Variants in MGAT5B observed in about 807,000 individuals in gnomAD.
MGAT5B encodes the protein alpha-1,6-mannosylglycoprotein 6-beta-N-acetylglucosaminyltransferase B.
In MGAT5B, 54 loss-of-function variants were observed where a neutral mutation model predicts 95.1. The observed-to-expected ratio is 0.57, with a 90% confidence interval of 0.46 to 0.71. The LOEUF (loss-of-function observed/expected upper bound fraction) is 0.71, where lower values mean the gene tolerates loss of function less well. Ranked by LOEUF, MGAT5B falls within the 30% of genes least tolerant of loss-of-function variation. The pLI, the probability that MGAT5B is intolerant of heterozygous loss-of-function variation, is 0.00. For missense variants in MGAT5B, 935 were observed against 1,088.6 expected, an observed-to-expected ratio of 0.86 and a Z score of 1.99; for synonymous variants, 464 against 451.0, an observed-to-expected ratio of 1.03 and a Z score of -0.36.
In MGAT5B at chr17:76,903,241, G is replaced by A. The variant is rs1968385636; in HGVS notation, c.446-62G>A. ...TGTGGGAAGCTGCCTCCCGCACGCA[G>A]GCCTCCCTCCCTGGGCTCCTCCTTG... On this transcript the variant is annotated intron_variant, in intron 4 of 17. Transcript: ENST00000569840. The A allele has an allele frequency of 3.6e-6, 5 of 1,370,224 alleles. No individual in the cohort carries two copies. In the Admixed American group the frequency reaches 9.9e-5, roughly 27 times the overall value. The allele number at this position is 1,370,224 out of a possible 1,614,324, so 84.9% of individuals were successfully genotyped here.
At chr17:76,900,889 ATGTGTGTGCATG>A (rs1028113207) in intron 3 of MGAT5B, among the ~76,000 whole-genome samples, 32 of 100,592 alleles carry the variant, frequency 3.2e-4, no homozygotes, top group African/African-American at 2.2e-3. Flanking sequence ...GTGTGTGTGC[ATGTGTGTGCATG>A]TGTGTGTGTG....
chr17:76,932,902 C>T lies in MGAT5B; in HGVS notation c.1422+127C>T, dbSNP rs77698952. ...CCCCAGCCCTGCATGCTGGAAATGT[C>T]TCCCATGAACCAGTTCAGGACAAAA... On this transcript the variant is annotated intron_variant, in intron 11 of 17. Transcript: ENST00000569840. The T allele has an allele frequency of 7.4e-3, 10,332 of 1,396,476 alleles. 262 individuals are homozygous for T. The African/African-American group carries it at 0.08, about 11-fold the overall frequency. 86.5% of individuals were successfully genotyped at this position (1,396,476 alleles called of 1,614,324 possible). A position where few individuals can be genotyped will look rare whatever the true frequency, so the allele number is the denominator to read the frequency against.
chr17:76,894,412 A>AG (rs1350042093), intron 3 of MGAT5B, among the ~76,000 whole-genome samples: 1 of 152,236 alleles, frequency 6.6e-6, no homozygotes, highest in Non-Finnish European at 1.5e-5. Flanking sequence ...ATCAGAGTAT[A>AG]GAAAGAGCTT....
chr17:76,933,859 A>G (rs1252567297), intron 12 of MGAT5B, among the ~76,000 whole-genome samples: 1 of 152,144 alleles, frequency 6.6e-6, no homozygotes, highest in Non-Finnish European at 1.5e-5. Context: ...ACCTTGACCC[A>G]TCGTGTTTAG....
In MGAT5B at chr17:76,877,890, C is replaced by T. The variant is rs375952608; in HGVS notation, c.182-4261C>T. Among the ~76,000 whole-genome samples, 379 of 150,102 alleles carry T rather than the reference C, an allele frequency of 2.5e-3. 14 individuals carry two copies. In the South Asian group the frequency reaches 0.077, roughly 31 times the overall value. On this transcript the variant is annotated intron_variant, in intron 2 of 17. Transcript: ENST00000569840. Reference sequence around the variant, plus strand: ...AGACGAAGAGCGTCTGGGGAGGAGACGGGGCCTCGGTGGGTAATAAACACA... The same window carrying T: ...AGACGAAGAGCGTCTGGGGAGGAGATGGGGCCTCGGTGGGTAATAAACACA...
At chr17:76,933,340 C>T (rs1302000319) in intron 12 of MGAT5B, 43 bp downstream of exon 12, 2 of 1,597,554 alleles carry the variant, frequency 1.3e-6, no homozygotes, top group Non-Finnish European at 1.7e-6. Context: ...CCCTCTGCTC[C>T]CTTCCCCTCT....
intron 8 of MGAT5B, among the ~76,000 whole-genome samples, chr17:76,910,247 G>A (rs1311774224): frequency 1.3e-5 from 2 of 152,198 alleles, no homozygotes; most frequent in Non-Finnish European, 2.9e-5. Context: ...GGGCCCACTC[G>A]CCCGCCTGCA....
chr17:76,905,258 G>T lies in MGAT5B; in HGVS notation c.780G>T (p.Arg260Ser). 7 of 1,612,794 alleles carry T rather than the reference G, an allele frequency of 4.3e-6. No individual in the cohort carries two copies. The highest frequency in any genetic ancestry group is 5.9e-6 in the Non-Finnish European group (7 of 1,179,320). Reference sequence around the variant, plus strand: ...TCTTCATGAAGAAGCGGACCAAGAGGCTCACAGCCCAGTGGGCGCTGGCTG... The same window carrying T: ...TCTTCATGAAGAAGCGGACCAAGAGTCTCACAGCCCAGTGGGCGCTGGCTG... ...SLIFMKKRTK[R>S]LTAQWALAAQ... Residue 260 changes from arginine (R) to serine (S), a missense_variant, in exon 7 of 18, where the codon AGG becomes AGT. Transcript: ENST00000569840. The surrounding 1 kb of genome is among the most constrained non-coding windows in gnomAD (Gnocchi z 4.2).
At chr17:76,939,034 GTGT>G (rs1969776961) in intron 13 of MGAT5B, among the ~76,000 whole-genome samples, 11 of 100,588 alleles carry the variant, frequency 1.1e-4, no homozygotes, top group African/African-American at 3.8e-4. Flanking sequence ...TTGGGGGTGT[GTGT>G]GTGTGTGTGT....
intron 3 of MGAT5B, among the ~76,000 whole-genome samples, chr17:76,895,007 C>A (rs1299030774): frequency 6.6e-6 from 1 of 152,264 alleles, no homozygotes; most frequent in East Asian, 1.9e-4. Context: ...CTGTTAGGAA[C>A]CTGGCTGCAC....
chr17:76,904,562 C>T lies in MGAT5B; in HGVS notation c.690+140C>T, dbSNP rs537790181. 721 of 973,776 alleles carry T rather than the reference C, an allele frequency of 7.4e-4. 17 individuals carry two copies. The South Asian group carries it at 0.012, about 16-fold the overall frequency. 60.3% of individuals were successfully genotyped at this position (973,776 alleles called of 1,614,324 possible). A position where few individuals can be genotyped will look rare whatever the true frequency, so the allele number is the denominator to read the frequency against. ...GTGGGCAGGTCCGAGCCCACCCTAC[C>T]GGGCAGACGGGAGGCCAGCCTGCCA... On this transcript the variant is annotated intron_variant, in intron 6 of 17. Transcript: ENST00000569840.
chr17:76,896,467 G>A (rs552500262), intron 3 of MGAT5B, among the ~76,000 whole-genome samples: 19 of 152,298 alleles, frequency 1.2e-4, no homozygotes, highest in South Asian at 8.3e-4. Flanking sequence ...CTTTGTAGTC[G>A]GGCGTATGAT....
intron 13 of MGAT5B, among the ~76,000 whole-genome samples, chr17:76,939,027 G>A (rs1483294729): frequency 1.0e-5 from 1 of 97,236 alleles, no homozygotes; most frequent in African/African-American, 3.2e-5. Flanking sequence ...AGGCATCTTG[G>A]GGGTGTGTGT....
At chr17:76,903,633 GC>G (rs377239778) in intron 5 of MGAT5B, among the ~76,000 whole-genome samples, 223 of 152,344 alleles carry the variant, frequency 1.5e-3, no homozygotes, top group African/African-American at 5.1e-3. Context: ...CAGAGGAGTG[GC>G]CCTGGCTGCC....
At chr17:76,884,189 T>G (rs543259222) in intron 3 of MGAT5B, among the ~76,000 whole-genome samples, 117 of 152,310 alleles carry the variant, frequency 7.7e-4, no homozygotes, top group African/African-American at 2.8e-3. Flanking sequence ...TCTTTAAAGA[T>G]TTAATTAAAT....
At chr17:76,922,827 ATGG>A (rs1969159977) in intron 8 of MGAT5B, among the ~76,000 whole-genome samples, 1 of 152,166 alleles carries the variant, frequency 6.6e-6, no homozygotes, top group Admixed American at 6.5e-5. Context: ...TGAGGAGGAA[ATGG>A]TGATTAGGTT....
At position 76,870,913 on chromosome 17, in the gene MGAT5B, T is replaced by G. The variant is rs528977002; in HGVS notation, c.68+1816T>G. On this transcript the variant is annotated intron_variant, in intron 1 of 17. Coordinates refer to ENST00000569840, the MANE Select transcript of MGAT5B (RefSeq NM_001199172.2). The surrounding 1 kb of genome is among the most constrained non-coding windows in gnomAD (Gnocchi z 5.0). ...ATGGATGGCTGAAGCCATTTTAACT[T>G]GAATCCACTCCAAATGGCCCCCAGC... Among the ~76,000 whole-genome samples, 6 of 152,130 alleles carry G rather than the reference T, an allele frequency of 3.9e-5. No homozygotes were observed. In the East Asian group the frequency reaches 1.2e-3, roughly 30 times the overall value.
At position 76,916,742 on chromosome 17, in the gene MGAT5B, T is replaced by C. The variant is rs1334373464; in HGVS notation, c.1026-8224T>C. ...TCAGGGCCTCTGTGAATCTCAGGGG[T>C]CGTGGGTTCTCGAGAAGGGATGAGG... is the stretch of plus-strand genomic sequence containing the variant. On this transcript the variant is annotated intron_variant, in intron 8 of 17. Transcript: ENST00000569840. This position sits in a 1 kb window ranked among gnomAD's most constrained non-coding sequence, Gnocchi z 5.3. Among the ~76,000 whole-genome samples the C allele has an allele frequency of 6.6e-6, 1 of 151,876 alleles. No homozygotes were observed. The highest frequency in any genetic ancestry group is 1.5e-5 in the Non-Finnish European group (1 of 67,966).
chr17:76,926,496 T>C (rs12453844), intron 9 of MGAT5B, 101 bp from the exon 10 acceptor site: 869,953 of 1,201,626 alleles, frequency 0.72, 316,979 homozygotes, highest in Admixed American at 0.79. Context: ...CTACTCTGAC[T>C]CCACCACTGG....
Sources: gnomAD v4.1 joint callset for allele counts (sites outside exome capture counted in the v4.1 genomes callset) on GRCh38, gnomAD v4.1.1 for gene constraint, Gnocchi (gnomAD v3.1) non-coding constraint, MANE v1.5 for transcripts, NCBI Gene and HGNC (gene_info 2026-07-23, HGNC 2026-07-21) for gene names.